Variants in ZFHX3 observed in about 807,000 individuals in gnomAD.
The protein encoded by ZFHX3 is zinc finger homeobox 3.
In ZFHX3, 42 loss-of-function variants were observed where a neutral mutation model predicts 279.1. That is an observed-to-expected ratio of 0.15 (90% CI 0.12 to 0.19). The LOEUF (loss-of-function observed/expected upper bound fraction) is 0.19, where lower values mean the gene tolerates loss of function less well. Among genes scored for constraint, ZFHX3 ranks in the 10% least tolerant of loss-of-function variants. The pLI is 1.00. For synonymous variants in ZFHX3, 2,293 were observed against 1,957.8 expected, an observed-to-expected ratio of 1.17 and a Z score of -4.52; for missense variants, 4,981 against 4,754.0, an observed-to-expected ratio of 1.05 and a Z score of -1.40.
intron 2 of ZFHX3, among the ~76,000 whole-genome samples, chr16:73,637,844 C>G (rs1009100273): frequency 3.3e-5 from 5 of 151,958 alleles, no homozygotes; most frequent in African/African-American, 4.8e-5. Context: ...GTGAATCCCC[C>G]ACTAGAAAAT....
intron 4 of ZFHX3, among the ~76,000 whole-genome samples, chr16:72,847,321 C>G (rs935826112): frequency 6.6e-6 from 1 of 152,166 alleles, no homozygotes; most frequent in Non-Finnish European, 1.5e-5. Flanking sequence ...CGTGTCTCCC[C>G]CTAGTGACAC....
chr16:73,335,858 C>T (rs1352356143), intron 3 of ZFHX3, among the ~76,000 whole-genome samples: 1 of 152,210 alleles, frequency 6.6e-6, no homozygotes, highest in African/African-American at 2.4e-5. Context: ...TTCTATTTGT[C>T]CTCAGCAGTT....
chr16:73,388,073 A>G (rs544099008), intron 3 of ZFHX3, among the ~76,000 whole-genome samples: 4 of 152,264 alleles, frequency 2.6e-5, no homozygotes, highest in Admixed American at 2.6e-4. Context: ...CTATTTAGAG[A>G]TGATTGGAAA....
chr16:73,334,495 A>C (rs1597289115), intron 3 of ZFHX3, among the ~76,000 whole-genome samples: 1 of 152,176 alleles, frequency 6.6e-6, no homozygotes, highest in African/African-American at 2.4e-5. Flanking sequence ...TTGGAGCTGA[A>C]GGAAGTGGGG....
intron 1 of ZFHX3, among the ~76,000 whole-genome samples, chr16:73,704,327 A>G (rs2053282948): frequency 6.6e-6 from 1 of 152,224 alleles, no homozygotes; most frequent in Admixed American, 6.5e-5. Context: ...TTTGTTCACC[A>G]TGCAACTGTT....
intron 3 of ZFHX3, among the ~76,000 whole-genome samples, chr16:73,439,909 C>CAAAAA (rs71156164): frequency 9.3e-5 from 7 of 75,434 alleles, no homozygotes; most frequent in African/African-American, 1.3e-4. Flanking sequence ...GGGAGAGGGA[C>CAAAAA]AAAAAAAAAA....
chr16:73,720,726 C>A (rs2053465934), intron 1 of ZFHX3, among the ~76,000 whole-genome samples: 1 of 152,186 alleles, frequency 6.6e-6, no homozygotes, highest in African/African-American at 2.4e-5. Context: ...TTCTCTCATA[C>A]TTTTCCATTT....
chr16:73,852,181 G>A (rs141998962), intron 1 of ZFHX3, among the ~76,000 whole-genome samples: 3 of 152,176 alleles, frequency 2.0e-5, no homozygotes, highest in African/African-American at 7.2e-5. Context: ...AGGGATAACT[G>A]CAGGCTGTTT....
intron 3 of ZFHX3, among the ~76,000 whole-genome samples, chr16:73,363,245 A>C (rs1229128291): frequency 6.6e-6 from 1 of 152,258 alleles, no homozygotes; most frequent in Non-Finnish European, 1.5e-5. Flanking sequence ...GACCCGGATC[A>C]AACTGCTGAC....
chr16:73,348,844 T>C (rs982478274), intron 3 of ZFHX3, among the ~76,000 whole-genome samples: 17 of 152,192 alleles, frequency 1.1e-4, no homozygotes, highest in Non-Finnish European at 8.8e-5. Flanking sequence ...GGACTTCTCA[T>C]TCATTGGAGG....
chr16:73,512,764 C>T (rs900229711), intron 2 of ZFHX3, among the ~76,000 whole-genome samples: 1 of 152,118 alleles, frequency 6.6e-6, no homozygotes, highest in Non-Finnish European at 1.5e-5. Context: ...GCTTTGCATT[C>T]AGGAAAGTGT....
At chr16:73,768,009 G>A (rs186573348) in intron 1 of ZFHX3, among the ~76,000 whole-genome samples, 2 of 152,294 alleles carry the variant, frequency 1.3e-5, no homozygotes, top group Admixed American at 1.3e-4. Context: ...CATGGCACAC[G>A]GGTAATTCCT....
Position 73,473,262 on chromosome 16 carries a change from A to G in ZFHX3, c.-1546-17004T>C, listed in dbSNP as rs561587180. 2.8e-5 allele frequency among the ~76,000 whole-genome samples: 4 copies of G among 144,720 alleles called. 1 individual carries two copies. The South Asian group carries it at 9.3e-4, about 34-fold the overall frequency. 94.9% of individuals were successfully genotyped at this position (144,720 alleles called of 152,430 possible). ...TGAGGTGGGAGGGTCACTTGAGCCC[A>G]GGAGGCTGAGGCTGCAGTGAGCTAT... On this transcript the variant is annotated intron_variant, in intron 2 of 17. Coordinates refer to the ZFHX3 transcript ENST00000641206.
chr16:73,335,110 A>G (rs2015887042), intron 3 of ZFHX3, among the ~76,000 whole-genome samples: 1 of 152,150 alleles, frequency 6.6e-6, no homozygotes, highest in African/African-American at 2.4e-5. Context: ...CAAGACATAC[A>G]TAAAGAGTTT....
chr16:73,125,911 G>A (rs1277656136), intron 7 of ZFHX3, among the ~76,000 whole-genome samples: 1 of 152,040 alleles, frequency 6.6e-6, no homozygotes, highest in Non-Finnish European at 1.5e-5. Context: ...TCACAGATGA[G>A]AAATTGAGGC....
intron 4 of ZFHX3, among the ~76,000 whole-genome samples, chr16:73,275,633 T>G (rs2143041707): frequency 6.6e-6 from 1 of 152,366 alleles, no homozygotes; most frequent in South Asian, 2.1e-4. Context: ...GGTTTTCCAC[T>G]GCATAGAAAG....
intron 5 of ZFHX3, among the ~76,000 whole-genome samples, chr16:72,817,594 T>G (rs147946507): frequency 3.9e-5 from 6 of 152,352 alleles, no homozygotes; most frequent in African/African-American, 1.4e-4. Flanking sequence ...GCTGTTGGCA[T>G]GGCTGCATCC....
At chr16:72,893,210 C>A (rs1332850344) in intron 3 of ZFHX3, among the ~76,000 whole-genome samples, 1 of 152,168 alleles carries the variant, frequency 6.6e-6, no homozygotes, top group East Asian at 1.9e-4. Flanking sequence ...CAAAGAAATA[C>A]GTTCCATCAA....
intron 1 of ZFHX3, among the ~76,000 whole-genome samples, chr16:73,023,172 A>G (rs1231608635): frequency 6.6e-6 from 1 of 152,232 alleles, no homozygotes; most frequent in Admixed American, 6.5e-5. Flanking sequence ...GGCTGCAGTG[A>G]GCTGAGATCG....
Sources: allele counts gnomAD v4.1 joint callset (sites outside exome capture counted in the v4.1 genomes callset), GRCh38; gene constraint gnomAD v4.1.1; transcripts MANE v1.5; gene names NCBI Gene and HGNC (gene_info 2026-07-23, HGNC 2026-07-21).